Variants in ETFB observed in about 807,000 individuals in gnomAD.
The protein encoded by ETFB is beta-ETF.
Under a neutral mutation model 25.6 loss-of-function variants are expected in ETFB, and 20 were observed. The ratio of observed to expected loss-of-function variants is 0.78; its 90% CI spans 0.55 to 1.14. The LOEUF (loss-of-function observed/expected upper bound fraction) is 1.14, where lower values mean the gene tolerates loss of function less well. Among genes scored for constraint, ETFB ranks in the 50% most tolerant of loss-of-function variants. ETFB has a pLI of 0.00. For synonymous variants in ETFB, 142 were observed against 146.7 expected (o/e 0.97, Z 0.23); for missense variants, 286 against 342.6 (o/e 0.83, Z 1.30).
At chr19:51,354,372 C>T (rs139990490) in intron 1 of ETFB, 64 bp from the exon 2 acceptor site, 263 of 1,614,016 alleles carry the variant, frequency 1.6e-4, no homozygotes, top group Non-Finnish European at 2.1e-4. Context: ...GGGGCCTCAG[C>T]GCCAACCCTC....
chr19:51,351,153 G>A (rs1022829138), intron 3 of ETFB, among the ~76,000 whole-genome samples: 1 of 152,196 alleles, frequency 6.6e-6, no homozygotes, highest in African/African-American at 2.4e-5. Context: ...GGCCAGCAAG[G>A]ACATTCTAGC....
Position 51,366,384 on chromosome 19 carries a change from G to GGGCCCCCCCCCCCCC in ETFB, c.-59_-58insGGGGGGGGGGGGGCC. The GGGCCCCCCCCCCCCC allele has an allele frequency of 1.3e-6, 2 of 1,525,624 alleles. No homozygotes were observed. The allele number at this position is 1,525,624 out of a possible 1,614,324, so 94.5% of individuals were successfully genotyped here. Reference sequence around the variant, plus strand: ...GCACCCTCAGCGGCTCAGTCCAGAAGCCCCACCACCCCCGCCCCCCGCGCC... The same window carrying GGGCCCCCCCCCCCCC: ...GCACCCTCAGCGGCTCAGTCCAGAAGGGCCCCCCCCCCCCCCCCCACCACCCCCGCCCCCCGCGCC... On this transcript the variant is annotated 5_prime_UTR_variant, in exon 1 of 6. Transcript: ENST00000309244.
intron 3 of ETFB, among the ~76,000 whole-genome samples, chr19:51,352,789 G>A (rs1454163755): frequency 6.6e-6 from 1 of 151,908 alleles, no homozygotes; most frequent in African/African-American, 2.4e-5. Context: ...TACCACACCC[G>A]GCTAATTTTT....
chr19:51,345,205 A>T lies in ETFB; in HGVS notation c.*6T>A. On this transcript the variant is annotated 3_prime_UTR_variant, in exon 6 of 6. Transcript: ENST00000309244. ...AGTCAGTTTTATTGCCATCTCTGGGAGGGGCTCAAATCCGCCCAATCTCCT... is the reference window on the plus strand; with the variant it reads ...AGTCAGTTTTATTGCCATCTCTGGGTGGGGCTCAAATCCGCCCAATCTCCT... 1 of 1,613,880 alleles carries T rather than the reference A, an allele frequency of 6.2e-7. No homozygotes were observed.
At chr19:51,358,704 A>C (rs1336384746) in intron 1 of ETFB, among the ~76,000 whole-genome samples, 1 of 152,096 alleles carries the variant, frequency 6.6e-6, no homozygotes, top group Non-Finnish European at 1.5e-5. Flanking sequence ...AGCTACTCAG[A>C]GGCTGGGGCA....
Position 51,346,894 on chromosome 19 carries a change from G to T in ETFB, c.597+6C>A, listed in dbSNP as rs539989327. 9 of 1,550,328 alleles carry T rather than the reference G, an allele frequency of 5.8e-6. 1 individual carries two copies. The South Asian group carries it at 1.1e-4, about 18-fold the overall frequency. On this transcript the variant is annotated splice_donor_region_variant and intron_variant, in intron 5 of 5. Coordinates refer to ENST00000309244, the MANE Select transcript of ETFB (RefSeq NM_001985.3). ...GGCCCTCAGTGCCCGCTGGCCAGGGGCTCACCATGATGTTGGGCAGCGTGG... is the reference window on the plus strand; with the variant it reads ...GGCCCTCAGTGCCCGCTGGCCAGGGTCTCACCATGATGTTGGGCAGCGTGG...
At position 51,358,830 on chromosome 19, in the gene ETFB, AC is replaced by A. The variant is rs1355637932; in HGVS notation, c.58-4523del. ...CCTCAAAACAAACAAACAAACAACA[AC>A]AAAAAAAAAAAAAAAAAAACAGCCA... On this transcript the variant is annotated intron_variant, in intron 1 of 5. Transcript: ENST00000309244. Among the ~76,000 whole-genome samples the A allele has an allele frequency of 6.1e-4, 70 of 115,642 alleles. No homozygotes were observed. The East Asian group carries it at 9.9e-3, about 16-fold the overall frequency. The allele number at this position is 115,642 out of a possible 152,430, so 75.9% of individuals were successfully genotyped here. A position where few individuals can be genotyped will look rare whatever the true frequency, so the allele number is the denominator to read the frequency against.
intron 1 of ETFB, among the ~76,000 whole-genome samples, chr19:51,362,162 TACACACACACACACACAC>T (rs59581815): frequency 1.5e-4 from 21 of 144,546 alleles, no homozygotes; most frequent in African/African-American, 5.1e-4. Context: ...CGGACACACA[TACACACACACACACACAC>T]ACACACACAC....
intron 1 of ETFB, chr19:51,356,087 TATA>T (rs1303398612): frequency 6.6e-5 from 10 of 151,452 alleles, no homozygotes; most frequent in African/African-American, 9.7e-5. Context: ...AAACTTAAAG[TATA>T]ATAATAAAAA....
chr19:51,361,708 T>TTTG (rs1407284420), intron 1 of ETFB: 1 of 144,982 alleles, frequency 6.9e-6, no homozygotes, highest in African/African-American at 2.6e-5. Context: ...TTTTTTTTTT[T>TTTG]TTTTTTTTTT....
At chr19:51,366,196 C>T in intron 1 of ETFB, 74 bp downstream of exon 1, 1 of 1,443,796 alleles carries the variant, frequency 6.9e-7, no homozygotes, top group Admixed American at 1.7e-5. Context: ...AAGACCCCCA[C>T]CCAGTGTGCG....
intron 1 of ETFB, chr19:51,365,227 G>A (rs1450080972): frequency 6.6e-6 from 1 of 152,088 alleles, no homozygotes; most frequent in Non-Finnish European, 1.5e-5. Context: ...ATAATACAAA[G>A]GGTACTGAAA....
At chr19:51,352,782 C>T (rs759428496) in intron 3 of ETFB, among the ~76,000 whole-genome samples, 1 of 152,054 alleles carries the variant, frequency 6.6e-6, no homozygotes, top group Non-Finnish European at 1.5e-5. Flanking sequence ...CAGGTGATAC[C>T]ACACCCGGCT....
intron 3 of ETFB, among the ~76,000 whole-genome samples, chr19:51,351,105 C>A (rs1175133943): frequency 6.6e-6 from 1 of 152,202 alleles, no homozygotes; most frequent in South Asian, 2.1e-4. Flanking sequence ...GGAGTCCCAC[C>A]CTATGTGGCC....
At chr19:51,345,407 A>T in intron 5 of ETFB, 26 bp from the exon 6 acceptor site, 1 of 1,613,182 alleles carries the variant, frequency 6.2e-7, no homozygotes, top group South Asian at 1.1e-5. Flanking sequence ...CATTGTTCAC[A>T]GGGCTGTGGA....
chr19:51,347,409 C>A (rs947201555), intron 4 of ETFB: 1 of 227,172 alleles, frequency 4.4e-6, no homozygotes, highest in Non-Finnish European at 8.9e-6. Context: ...ATGTTATTAT[C>A]CCCACTTTAC....
Position 51,353,266 on chromosome 19 carries a change from T to C in ETFB, c.241A>G (p.Met81Val), listed in dbSNP as rs748963409. The change falls in exon 3 of 6, where the codon ATG (methionine) becomes GTG (valine). Residue 81 changes from methionine (M) to valine (V), a missense_variant. Transcript: ENST00000309244. ...ACGTGGATACCTCGGTCTGCACCCA[T>C]GGCCAGGGCGGTACGAATCGTCTCC... ...CQETIRTALA[M>V]GADRGIHVEV... is the part of the protein sequence containing the mutation. 29 of 1,613,928 alleles carry C rather than the reference T, an allele frequency of 1.8e-5. No homozygotes were observed. In the South Asian group the frequency reaches 2.2e-4, roughly 12 times the overall value.
At chr19:51,349,447 CTT>C (rs11428639) in intron 4 of ETFB, among the ~76,000 whole-genome samples, 2 of 134,224 alleles carry the variant, frequency 1.5e-5, no homozygotes, top group African/African-American at 2.8e-5. Flanking sequence ...TGCCTTGCTT[CTT>C]TTTTTTTTTT....
chr19:51,354,048 C>G, intron 2 of ETFB, 102 bp downstream of exon 2: 3 of 1,401,384 alleles, frequency 2.1e-6, no homozygotes, highest in Middle Eastern at 2.4e-4. Flanking sequence ...ACCCAGGGGT[C>G]CAGACTTCCA....
Sources: gnomAD v4.1 joint callset for allele counts (sites outside exome capture counted in the v4.1 genomes callset) on GRCh38, gnomAD v4.1.1 for gene constraint, MANE v1.5 for transcripts, NCBI Gene and HGNC (gene_info 2026-07-23, HGNC 2026-07-21) for gene names.